The following ZNF407 variants were observed in gnomAD, a reference collection of about 807,000 sequenced individuals.
The protein encoded by ZNF407 is zinc finger protein 407.
A neutral mutation model predicts 131.2 loss-of-function variants in ZNF407; 17 were observed. That is an observed-to-expected ratio of 0.13 (90% CI 0.09 to 0.19). The LOEUF is 0.19. Among genes scored for constraint, ZNF407 ranks in the 10% least tolerant of loss-of-function variants. The pLI, the probability that ZNF407 is intolerant of heterozygous loss-of-function variation, is 1.00. For synonymous variants in ZNF407, 1,156 were observed against 1,062.0 expected (o/e 1.09, Z -1.72); for missense variants, 2,681 against 2,830.6 (o/e 0.95, Z 1.20).
chr18:75,042,805 G>A (rs1973388905), intron 8 of ZNF407, among the ~76,000 whole-genome samples: 1 of 152,208 alleles, frequency 6.6e-6, no homozygotes, highest in African/African-American at 2.4e-5. Flanking sequence ...TGTCACGTCA[G>A]TGGCAGGTAC....
At chr18:75,062,986 G>C (rs984333258) in intron 8 of ZNF407, 164 bp from the exon 9 acceptor site, 2 of 604,716 alleles carry the variant, frequency 3.3e-6, no homozygotes, top group Non-Finnish European at 5.7e-6. Context: ...GCCCACGGAG[G>C]CCTCTGGCCC....
At chr18:74,822,570 G>A (rs143480672) in intron 4 of ZNF407, among the ~76,000 whole-genome samples, 2,780 of 152,270 alleles carry the variant, frequency 0.018, 32 homozygotes, top group Middle Eastern at 0.027. Context: ...AGATCAGATG[G>A]TTGTAGATGT....
chr18:74,755,706 A>C (rs1968923390), intron 3 of ZNF407, among the ~76,000 whole-genome samples: 1 of 108,824 alleles, frequency 9.2e-6, no homozygotes, highest in Non-Finnish European at 2.0e-5. Flanking sequence ...CTTCTGCCTC[A>C]GCCTGCCTCT....
At chr18:74,742,548 C>T (rs1968573829) in intron 3 of ZNF407, among the ~76,000 whole-genome samples, 1 of 152,160 alleles carries the variant, frequency 6.6e-6, no homozygotes, top group Non-Finnish European at 1.5e-5. Flanking sequence ...TGATTGAGTA[C>T]TCAACTCTAC....
chr18:74,677,278 A>G (rs1415152588), intron 3 of ZNF407, among the ~76,000 whole-genome samples: 1 of 152,134 alleles, frequency 6.6e-6, no homozygotes, highest in Non-Finnish European at 1.5e-5. Flanking sequence ...TTTTGTAGAC[A>G]TGGGGTTTCA....
chr18:74,610,024 G>A (rs946470921), intron 1 of ZNF407, among the ~76,000 whole-genome samples: 2 of 152,054 alleles, frequency 1.3e-5, no homozygotes, highest in Non-Finnish European at 2.9e-5. Flanking sequence ...TGTCCCAACC[G>A]GAGCACATTG....
At chr18:74,726,919 A>G (rs1968171254) in intron 3 of ZNF407, among the ~76,000 whole-genome samples, 1 of 152,124 alleles carries the variant, frequency 6.6e-6, no homozygotes. Context: ...TGGAGGTGAG[A>G]AGATCTTTAG....
chr18:74,713,641 A>G (rs951553402), intron 3 of ZNF407, among the ~76,000 whole-genome samples: 1 of 152,148 alleles, frequency 6.6e-6, no homozygotes, highest in African/African-American at 2.4e-5. Flanking sequence ...TAAAAGAGAA[A>G]TGCCCTCTTA....
intron 8 of ZNF407, among the ~76,000 whole-genome samples, chr18:74,964,043 C>T (rs1194706958): frequency 2.0e-5 from 3 of 152,212 alleles, no homozygotes; most frequent in Non-Finnish European, 1.5e-5. Context: ...CAGCCATGGT[C>T]AAACTTGTCA....
At chr18:74,675,775 C>T (rs192839234) in intron 3 of ZNF407, among the ~76,000 whole-genome samples, 1 of 152,308 alleles carries the variant, frequency 6.6e-6, no homozygotes, top group East Asian at 1.9e-4. Context: ...TACTTTTACC[C>T]TCTTTCCGAC....
rs907847980 is a variant in ZNF407, at chr18:74,850,404, T to A, written c.4878-26793T>A. ...TAGCTCTTAATTGATGTCCAGGGTG[T>A]CATCTTAATTCATACTTCTCTGTCT... is the stretch of plus-strand genomic sequence containing the variant. On this transcript the variant is annotated intron_variant, in intron 4 of 8. Transcript: ENST00000299687. Among the ~76,000 whole-genome samples the A allele has an allele frequency of 3.3e-5, 5 of 152,308 alleles. No homozygotes were observed. In the East Asian group the frequency reaches 7.7e-4, roughly 24 times the overall value.
intron 4 of ZNF407, among the ~76,000 whole-genome samples, chr18:74,788,841 A>T (rs2145045457): frequency 6.7e-6 from 1 of 149,830 alleles, no homozygotes; most frequent in African/African-American, 2.4e-5. Flanking sequence ...ATATTTTATT[A>T]ATAAACTTGA....
chr18:74,845,923 TCA>T (rs1476645181), intron 4 of ZNF407, among the ~76,000 whole-genome samples: 1 of 152,166 alleles, frequency 6.6e-6, no homozygotes, highest in Non-Finnish European at 1.5e-5. Context: ...AAAAAATCCC[TCA>T]CACTTTGAAA....
chr18:74,724,752 T>A (rs1968118009), intron 3 of ZNF407, among the ~76,000 whole-genome samples: 2 of 152,220 alleles, frequency 1.3e-5, no homozygotes, highest in Non-Finnish European at 2.9e-5. Flanking sequence ...CTTTCCATGT[T>A]GGTTGTTCAC....
intron 3 of ZNF407, among the ~76,000 whole-genome samples, chr18:74,750,879 T>C (rs1235875901): frequency 6.6e-6 from 1 of 152,186 alleles, no homozygotes; most frequent in Non-Finnish European, 1.5e-5. Flanking sequence ...GCTCACCTGA[T>C]GTGTTTGAAG....
chr18:74,759,395 T>C (rs1261586944), intron 3 of ZNF407, among the ~76,000 whole-genome samples: 1 of 152,210 alleles, frequency 6.6e-6, no homozygotes. Flanking sequence ...ATCAGATTTG[T>C]TAAGCTTTTG....
chr18:74,984,161 A>G (rs904698367), intron 8 of ZNF407, among the ~76,000 whole-genome samples: 3 of 152,188 alleles, frequency 2.0e-5, no homozygotes, highest in Non-Finnish European at 2.9e-5. Context: ...TAGCTCTCGG[A>G]CTAGGGTTCT....
At chr18:74,991,045 G>A (rs1348859514) in intron 8 of ZNF407, among the ~76,000 whole-genome samples, 3 of 152,154 alleles carry the variant, frequency 2.0e-5, no homozygotes, top group African/African-American at 7.2e-5. Flanking sequence ...AGGGGCATTA[G>A]CATATGAAAC....
chr18:74,710,068 A>G (rs576172476), intron 3 of ZNF407, among the ~76,000 whole-genome samples: 29 of 152,334 alleles, frequency 1.9e-4, no homozygotes, highest in Admixed American at 1.8e-3. Flanking sequence ...TACACTAAAC[A>G]TGTCACTTTC....
Sources: gnomAD v4.1 joint callset for allele counts (sites outside exome capture counted in the v4.1 genomes callset) on GRCh38, gnomAD v4.1.1 for gene constraint, MANE v1.5 for transcripts, NCBI Gene and HGNC (gene_info 2026-07-23, HGNC 2026-07-21) for gene names.